DSE: variants seen among roughly 807,000 people sequenced by gnomAD.
DSE encodes dermatan sulfate epimerase.
In DSE, 36 loss-of-function variants were observed where a neutral mutation model predicts 84.4. The observed-to-expected ratio is 0.43, with a 90% CI of 0.33 to 0.56. The LOEUF (loss-of-function observed/expected upper bound fraction) is 0.56, where lower values mean the gene tolerates loss of function less well. DSE is among the 20% of genes least tolerant of loss of function. The pLI is 0.06. For synonymous variants in DSE, 410 were observed against 430.1 expected (o/e 0.95, Z 0.58); for missense variants, 862 against 1,169.6 (o/e 0.74, Z 3.84).
At chr6:116,399,039 T>C (rs1179125082) in intron 1 of DSE, among the ~76,000 whole-genome samples, 159 bp from the exon 2 acceptor site, 1 of 152,248 alleles carries the variant, frequency 6.6e-6, no homozygotes, top group Admixed American at 6.5e-5. Flanking sequence ...ATCAGAACTT[T>C]AGTAATTTTC....
chr6:116,407,751 A>G (rs915004707), intron 2 of DSE, among the ~76,000 whole-genome samples: 1 of 152,238 alleles, frequency 6.6e-6, no homozygotes, highest in Non-Finnish European at 1.5e-5. Context: ...TCTTCAGGAA[A>G]AAGTACCTTT....
rs139295434 is a variant in DSE at position 116,414,794 on chromosome 6, C to A, written c.417-11780C>A. ...TAATGACTTTTCAATGTGTGTACAA[C>A]TCTTTGTTTTCTCTTGGATTCATAA... is the stretch of plus-strand genomic sequence containing the variant. On this transcript the variant is annotated intron_variant, in intron 2 of 5. Transcript: ENST00000644252. Among the ~76,000 whole-genome samples, 422 of 152,284 alleles carry A rather than the reference C, an allele frequency of 2.8e-3. 3 individuals carry two copies. Among genetic ancestry groups the A allele is most frequent in the African/African-American group, 9.6e-3 (401 of 41,562 alleles).
chr6:116,275,921 A>C (rs1250560261), intron 2 of DSE, among the ~76,000 whole-genome samples: 1 of 152,160 alleles, frequency 6.6e-6, no homozygotes, highest in Non-Finnish European at 1.5e-5. Flanking sequence ...ATGAAAATAT[A>C]ATCTCTGTAT....
intron 1 of DSE, among the ~76,000 whole-genome samples, chr6:116,371,823 G>A (rs1779603960): frequency 6.6e-6 from 1 of 152,212 alleles, no homozygotes; most frequent in Non-Finnish European, 1.5e-5. Context: ...AGATCTGTCG[G>A]GGCTGGAATC....
In DSE at chr6:116,377,471, T is replaced by G. The variant is rs556875337; in HGVS notation, c.-54+6350T>G. Among the ~76,000 whole-genome samples the G allele has an allele frequency of 2.6e-5, 4 of 151,706 alleles. No individual in the cohort carries two copies. In the East Asian group the frequency reaches 7.7e-4, roughly 29 times the overall value. On this transcript the variant is annotated intron_variant, in intron 1 of 5. Coordinates refer to ENST00000644252, the MANE Select transcript of DSE (RefSeq NM_013352.4). ...GGTAGCAACATTAGTGTTGTGTAAG[T>G]TTTTTTTTGTAAAATGCAGTAATCT... is the stretch of plus-strand genomic sequence containing the variant.
intron 2 of DSE, among the ~76,000 whole-genome samples, chr6:116,308,952 A>G (rs554087100): frequency 6.6e-6 from 1 of 152,358 alleles, no homozygotes; most frequent in African/African-American, 2.4e-5. Context: ...TGCCTTGAGC[A>G]TAATAGATAC....
chr6:116,278,884 C>T (rs1364935237), intron 2 of DSE: 23 of 1,614,044 alleles, frequency 1.4e-5, no homozygotes, highest in Non-Finnish European at 1.8e-5. Flanking sequence ...GCAACCGGTT[C>T]TAGGGTGTCT....
Position 116,299,551 on chromosome 6 carries a change from TAC to T in DSE, c.-54+40588_-54+40589del, listed in dbSNP as rs754431712. Among the ~76,000 whole-genome samples the T allele has an allele frequency of 3.4e-3, 181 of 53,606 alleles. 7 individuals are homozygous for T. The highest frequency in any genetic ancestry group is 5.9e-3 in the African/African-American group (47 of 7,950). 35.2% of individuals were successfully genotyped at this position (53,606 alleles called of 152,430 possible). A position where few individuals can be genotyped will look rare whatever the true frequency, so the allele number is the denominator to read the frequency against. ...ATATATATATATATATATATATATATACACATACACACACACACACACATACA... is the reference window on the plus strand; with the variant it reads ...ATATATATATATATATATATATATATACATACACACACACACACACATACA... On this transcript the variant is annotated intron_variant, in intron 2 of 3. Coordinates refer to the DSE transcript ENST00000430252.
chr6:116,279,882 C>T, intron 2 of DSE: 1 of 1,612,476 alleles, frequency 6.2e-7, no homozygotes, highest in Non-Finnish European at 8.5e-7. Flanking sequence ...CCTCAGAGGC[C>T]GAACTGGGAG....
intron 2 of DSE, among the ~76,000 whole-genome samples, chr6:116,274,146 C>T (rs142404998): frequency 7.1e-4 from 108 of 151,938 alleles, no homozygotes; most frequent in African/African-American, 2.6e-3. Flanking sequence ...TCAAGTAGTA[C>T]GCGTTCATTG....
intron 1 of DSE, among the ~76,000 whole-genome samples, chr6:116,388,128 G>A (rs1487148716): frequency 6.6e-6 from 1 of 152,140 alleles, no homozygotes; most frequent in Non-Finnish European, 1.5e-5. Flanking sequence ...GCCATTATGG[G>A]AATGGGCTTT....
At chr6:116,341,788 A>C (rs1777611244) in intron 2 of DSE, among the ~76,000 whole-genome samples, 1 of 152,204 alleles carries the variant, frequency 6.6e-6, no homozygotes, top group African/African-American at 2.4e-5. Context: ...GGTTTGTCAA[A>C]GATCAGATGG....
intron 2 of DSE, among the ~76,000 whole-genome samples, chr6:116,297,135 T>G (rs978304647): frequency 6.6e-6 from 1 of 152,126 alleles, no homozygotes; most frequent in African/African-American, 2.4e-5. Context: ...ATGCACTGTT[T>G]CAGTGTGTGC....
intron 1 of DSE, among the ~76,000 whole-genome samples, chr6:116,398,501 C>T (rs1449413035): frequency 6.6e-6 from 1 of 152,162 alleles, no homozygotes; most frequent in Non-Finnish European, 1.5e-5. Flanking sequence ...GGATTTTATT[C>T]TCTGAATGAA....
At chr6:116,293,283 T>C (rs1416060574) in intron 2 of DSE, among the ~76,000 whole-genome samples, 2 of 151,640 alleles carry the variant, frequency 1.3e-5, no homozygotes, top group East Asian at 3.9e-4. Context: ...TTTTTCTTTT[T>C]TTTTTTTGAC....
chr6:116,299,502 T>TATATATA (rs1774867621), intron 2 of DSE, among the ~76,000 whole-genome samples: 1 of 47,544 alleles, frequency 2.1e-5, no homozygotes, highest in South Asian at 1.0e-3. Context: ...CTTGAATTAT[T>TATATATA]TTTATATATA....
chr6:116,371,257 C>A, intron 1 of DSE, 136 bp downstream of exon 1: 5 of 969,366 alleles, frequency 5.2e-6, no homozygotes, highest in Non-Finnish European at 6.1e-6. Context: ...GAGAGCGGAG[C>A]GCCGCGGGTT....
intron 1 of DSE, chr6:116,258,337 G>A: frequency 1.8e-6 from 1 of 549,166 alleles, no homozygotes; most frequent in Non-Finnish European, 3.3e-6. Context: ...TTTATAACGT[G>A]CTTTATAACT....
At chr6:116,300,068 A>C (rs200358325) in intron 2 of DSE, among the ~76,000 whole-genome samples, 5 of 152,194 alleles carry the variant, frequency 3.3e-5, no homozygotes, top group African/African-American at 1.2e-4. Flanking sequence ...AAAACTGTCA[A>C]CTTTTCTTAG....
Sources: gnomAD v4.1 joint callset for allele counts (sites outside exome capture counted in the v4.1 genomes callset) on GRCh38, gnomAD v4.1.1 for gene constraint, MANE v1.5 for transcripts, NCBI Gene and HGNC (gene_info 2026-07-23, HGNC 2026-07-21) for gene names.